SLC44A1: variants seen among roughly 807,000 people sequenced by gnomAD.
SLC44A1 encodes the protein choline transporter-like protein 1.
Under a neutral mutation model 79.3 loss-of-function variants are expected in SLC44A1, and 26 were observed. That is an observed-to-expected ratio of 0.33 (90% CI 0.24 to 0.46). The LOEUF (loss-of-function observed/expected upper bound fraction) is 0.46. Ranked by LOEUF, SLC44A1 falls within the 20% of genes least tolerant of loss-of-function variation. The pLI, the probability that SLC44A1 is intolerant of heterozygous loss-of-function variation, is 1.00. For missense variants in SLC44A1, 688 were observed against 798.1 expected, an observed-to-expected ratio of 0.86 and a Z score of 1.66; for synonymous variants, 263 against 286.2, an observed-to-expected ratio of 0.92 and a Z score of 0.82.
intron 1 of SLC44A1, 121 bp from the exon 2 acceptor site, chr9:105,299,099 A>T: frequency 1.5e-6 from 1 of 674,980 alleles, no homozygotes; most frequent in Non-Finnish European, 2.5e-6. Flanking sequence ...GTTGTGTCTT[A>T]AAGGTTCAAT....
chr9:105,256,000 C>A (rs1052003699), intron 1 of SLC44A1, among the ~76,000 whole-genome samples: 2 of 152,046 alleles, frequency 1.3e-5, no homozygotes, highest in Non-Finnish European at 2.9e-5. Flanking sequence ...TGGAAAGGTA[C>A]CCTGACTTCC....
intron 1 of SLC44A1, among the ~76,000 whole-genome samples, chr9:105,293,246 G>A (rs1588743527): frequency 6.6e-6 from 1 of 152,112 alleles, no homozygotes; most frequent in Admixed American, 6.5e-5. Context: ...TTTAAAACCT[G>A]GTGTATGAAG....
chr9:105,327,183 G>A (rs1826605317), intron 3 of SLC44A1, among the ~76,000 whole-genome samples: 1 of 152,042 alleles, frequency 6.6e-6, no homozygotes, highest in African/African-American at 2.4e-5. Flanking sequence ...TAGCCTCCTG[G>A]CCAGTCTCTT....
rs77690378 is a variant in SLC44A1 at position 105,431,593 on chromosome 9, G to A, written c.1951-6688G>A. Among the ~76,000 whole-genome samples, 484 of 152,272 alleles carry A rather than the reference G, an allele frequency of 3.2e-3. 2 individuals carry two copies. Among genetic ancestry groups the A allele is most frequent in the African/African-American group, 0.011 (472 of 41,548 alleles). ...ATTGACAGCCTCCTCTGAGACATGA[G>A]GATCATAAAAAGGGCATGCGCCTGA... On this transcript the variant is annotated intron_variant, in intron 15 of 15. Transcript: ENST00000374724.
chr9:105,383,569 C>G (rs1828541930), intron 14 of SLC44A1, among the ~76,000 whole-genome samples: 1 of 152,206 alleles, frequency 6.6e-6, no homozygotes, highest in Non-Finnish European at 1.5e-5. Flanking sequence ...ATCCACCTAG[C>G]TAGAGCAGTA....
At chr9:105,277,665 A>G (rs1164698182) in intron 1 of SLC44A1, among the ~76,000 whole-genome samples, 1 of 152,218 alleles carries the variant, frequency 6.6e-6, no homozygotes, top group East Asian at 1.9e-4. Flanking sequence ...CACTGAAAAC[A>G]ATAGGGCTGA....
chr9:105,312,565 C>G (rs1831208177), intron 3 of SLC44A1, among the ~76,000 whole-genome samples: 1 of 152,134 alleles, frequency 6.6e-6, no homozygotes, highest in Non-Finnish European at 1.5e-5. Flanking sequence ...ATTAGTGAGT[C>G]TGAGGATTTG....
intron 1 of SLC44A1, among the ~76,000 whole-genome samples, chr9:105,268,377 TA>T (rs1320090811): frequency 6.6e-6 from 1 of 152,184 alleles, no homozygotes; most frequent in Non-Finnish European, 1.5e-5. Flanking sequence ...CCAAATGTTT[TA>T]AATCCCTCTA....
Position 105,268,904 on chromosome 9 carries a change from C to A in SLC44A1, c.36+24000C>A, listed in dbSNP as rs932139882. ...TTGCCTTATGTTGAATTCGCTTTTTCAACAACTTCACTTACGTTACCTTGC... is the reference window on the plus strand; with the variant it reads ...TTGCCTTATGTTGAATTCGCTTTTTAAACAACTTCACTTACGTTACCTTGC... On this transcript the variant is annotated intron_variant, in intron 1 of 15. Transcript: ENST00000374720. Among the ~76,000 whole-genome samples the A allele has an allele frequency of 2.6e-5, 4 of 152,160 alleles. 1 individual carries two copies. The highest frequency in any genetic ancestry group is 2.6e-4 in the Admixed American group (4 of 15,282).
rs760201875 is a variant in SLC44A1, at chr9:105,394,419, ATGTGTGTG to A, written c.*5379_*5386del. 2 of 862,612 alleles carry A rather than the reference ATGTGTGTG, an allele frequency of 2.3e-6. No homozygotes were observed. Among genetic ancestry groups the A allele is most frequent in the African/African-American group, 3.7e-5 (2 of 53,946 alleles). 53.4% of individuals were successfully genotyped at this position (862,612 alleles called of 1,614,324 possible). On this transcript the variant is annotated 3_prime_UTR_variant, in exon 16 of 16. Coordinates refer to ENST00000374720, the MANE Select transcript of SLC44A1 (RefSeq NM_080546.5). The stretch of plus-strand genomic sequence containing the variant: ...TTTCCTTGGAGGTATGAGGGTGTGT[ATGTGTGTG>A]TGTGTGTGTGTGTGTTTGTGTGTGT...
intron 3 of SLC44A1, among the ~76,000 whole-genome samples, chr9:105,315,375 A>G (rs780183505): frequency 1.3e-5 from 2 of 151,528 alleles, no homozygotes; most frequent in Non-Finnish European, 2.9e-5. Flanking sequence ...TTGATTGTTT[A>G]ATAAACAGTG....
Position 105,392,732 on chromosome 9 carries a change from G to C in SLC44A1, c.*3676G>C. 2 of 985,378 alleles carry C rather than the reference G, an allele frequency of 2.0e-6. No homozygotes were observed. The highest frequency in any genetic ancestry group is 9.4e-5 in the South Asian group (2 of 21,286). 61.0% of individuals were successfully genotyped at this position (985,378 alleles called of 1,614,324 possible). On this transcript the variant is annotated 3_prime_UTR_variant, in exon 16 of 16. Coordinates refer to ENST00000374720, the MANE Select transcript of SLC44A1 (RefSeq NM_080546.5). ...TACTAGCTACTAACAGCCATTTTAA[G>C]AGATCTCCTAGCCTGCAAGGTAGAA...
chr9:105,408,877 G>A (rs527645264), intron 15 of SLC44A1, among the ~76,000 whole-genome samples: 4 of 152,274 alleles, frequency 2.6e-5, no homozygotes, highest in South Asian at 4.1e-4. Flanking sequence ...CATTATTTAA[G>A]CTAAATTGGT....
chr9:105,333,198 C>G (rs1826806759), intron 3 of SLC44A1, among the ~76,000 whole-genome samples: 1 of 152,170 alleles, frequency 6.6e-6, no homozygotes, highest in Admixed American at 6.5e-5. Context: ...AAGAGGTTGT[C>G]ATTGATCCAG....
intron 2 of SLC44A1, among the ~76,000 whole-genome samples, chr9:105,306,559 C>T (rs1360620351): frequency 9.4e-6 from 1 of 105,936 alleles, no homozygotes; most frequent in Non-Finnish European, 1.7e-5. Flanking sequence ...TTGCCCACCC[C>T]CCACCCCTGG....
At chr9:105,372,539 C>T (rs1380537960) in intron 12 of SLC44A1, among the ~76,000 whole-genome samples, 5 of 152,034 alleles carry the variant, frequency 3.3e-5, no homozygotes, top group Admixed American at 6.5e-5. Context: ...ATCCACCTGC[C>T]TCGACCTCCC....
rs1828719759 is a variant in SLC44A1 at position 105,389,920 on chromosome 9, A to C, written c.*864A>C. On this transcript the variant is annotated 3_prime_UTR_variant, in exon 16 of 16. Transcript: ENST00000374720. ...GATTTGCAGATTAAGTAATGCTGGG[A>C]GGAATAAAGAAGGGACAGAAACATG... is the stretch of plus-strand genomic sequence containing the variant. 1 of 1,514,850 alleles carries C rather than the reference A, an allele frequency of 6.6e-7. No individual in the cohort carries two copies. Among genetic ancestry groups the C allele is most frequent in the Non-Finnish European group, 8.8e-7 (1 of 1,132,740 alleles). 93.8% of individuals were successfully genotyped at this position (1,514,850 alleles called of 1,614,324 possible). A position where few individuals can be genotyped will look rare whatever the true frequency, so the allele number is the denominator to read the frequency against.
intron 3 of SLC44A1, among the ~76,000 whole-genome samples, chr9:105,316,496 G>C (rs545887636): frequency 6.6e-6 from 1 of 152,248 alleles, no homozygotes; most frequent in South Asian, 2.1e-4. Context: ...AGTGTGATTA[G>C]CTGTTGAATT....
intron 1 of SLC44A1, among the ~76,000 whole-genome samples, chr9:105,297,165 CT>C (rs747345701): frequency 1.6e-4 from 25 of 152,092 alleles, no homozygotes; most frequent in Non-Finnish European, 2.5e-4. Flanking sequence ...AACAAGCTAA[CT>C]GGTTGTGTTT....
Sources: gnomAD v4.1 joint callset for allele counts (sites outside exome capture counted in the v4.1 genomes callset) on GRCh38, gnomAD v4.1.1 for gene constraint, MANE v1.5 for transcripts, NCBI Gene and HGNC (gene_info 2026-07-23, HGNC 2026-07-21) for gene names.